Variants in TBC1D8B observed in about 807,000 individuals in gnomAD.
TBC1D8B encodes the protein RP11-321G1.1.
Under a neutral mutation model 82.9 loss-of-function variants are expected in TBC1D8B, and 75 were observed. That is an observed-to-expected ratio of 0.90 (90% CI 0.75 to 1.10). The LOEUF is 1.10. TBC1D8B is among the 50% of genes least tolerant of loss of function. The pLI, the probability that TBC1D8B is intolerant of heterozygous loss-of-function variation, is 0.00. For synonymous variants in TBC1D8B, 276 were observed against 276.8 expected (o/e 1.00, Z 0.03); for missense variants, 794 against 796.9 (o/e 1.00, Z 0.04).
In TBC1D8B at chrX:106,802,673, G is replaced by A; in HGVS notation, c.-181G>A. 1 of 567,353 alleles carries A rather than the reference G, an allele frequency of 1.8e-6. No individual in the cohort carries two copies. 46.8% of individuals were successfully genotyped at this position (567,353 alleles called of 1,213,427 possible). A position where few individuals can be genotyped will look rare whatever the true frequency, so the allele number is the denominator to read the frequency against. Reference sequence around the variant, plus strand: ...GGCGGTAGCGCTGTGGGAGGGAATTGGCAATCTCTCTGCCTACGTGGGAGA... The same window carrying A: ...GGCGGTAGCGCTGTGGGAGGGAATTAGCAATCTCTCTGCCTACGTGGGAGA... On this transcript the variant is annotated 5_prime_UTR_variant, in exon 1 of 21. Coordinates refer to ENST00000357242, the MANE Select transcript of TBC1D8B (RefSeq NM_017752.3).
chrX:106,809,785 G>A (rs1931307018), intron 1 of TBC1D8B, among the ~76,000 whole-genome samples: 1 of 107,896 alleles, frequency 9.3e-6, no homozygotes, highest in South Asian at 4.2e-4. Context: ...TTGGGAGGCT[G>A]AGGCAGGAGA....
intron 1 of TBC1D8B, among the ~76,000 whole-genome samples, chrX:106,816,330 C>A (rs1262235792): frequency 9.0e-6 from 1 of 111,491 alleles, no homozygotes; most frequent in African/African-American, 3.3e-5. Flanking sequence ...GAATAAAATG[C>A]TCAGTAATTT....
chrX:106,839,123 A>C (rs984348215), intron 7 of TBC1D8B, among the ~76,000 whole-genome samples, 185 bp from the exon 8 acceptor site: 4 of 111,664 alleles, frequency 3.6e-5, no homozygotes, highest in African/African-American at 1.3e-4. Flanking sequence ...AGGGGTTCTG[A>C]GCTTGCCATT....
chrX:106,825,919 T>C (rs1602413353), intron 5 of TBC1D8B, 111 bp from the exon 6 acceptor site: 8 of 558,753 alleles, frequency 1.4e-5, no homozygotes, highest in Non-Finnish European at 2.2e-5. Context: ...ATTTTTAGTG[T>C]TTAATCTGTG....
chrX:106,818,878 A>G (rs1931619200), intron 2 of TBC1D8B, 105 bp downstream of exon 2: 2 of 573,636 alleles, frequency 3.5e-6, no homozygotes, highest in Admixed American at 7.5e-5. Context: ...TTAAAAACAA[A>G]TTAAATGTGC....
chrX:106,839,437 G>T lies in TBC1D8B; in HGVS notation c.1333G>T (p.Glu445Ter). Residue 445 changes from glutamate (E) to a stop codon, truncating the protein, a stop_gained, in exon 8 of 21, where the codon GAG becomes TAG. Transcript: ENST00000357242. LOFTEE classifies it high-confidence loss of function. ...LMTVFHPQNL[E>*]TLNSKMLKEK... ...GACAGTATTTCACCCTCAGAATTTG[G>T]AGACTCTTAATTCTAAAATGGTAGG... 1 of 1,157,477 alleles carries T rather than the reference G, an allele frequency of 8.6e-7. No homozygotes were observed.
intron 16 of TBC1D8B, among the ~76,000 whole-genome samples, 161 bp downstream of exon 16, chrX:106,866,194 T>A (rs1395441279): frequency 9.0e-6 from 1 of 111,647 alleles, no homozygotes; most frequent in Non-Finnish European, 1.9e-5. Context: ...ATCTAAGTAT[T>A]TTGATATTAT....
At chrX:106,873,468 C>A in intron 20 of TBC1D8B, 102 bp from the exon 21 acceptor site, 1 of 849,035 alleles carries the variant, frequency 1.2e-6, no homozygotes, top group Non-Finnish European at 1.6e-6. Context: ...GGTGAAGCTT[C>A]TATGGTACAA....
intron 1 of TBC1D8B, among the ~76,000 whole-genome samples, chrX:106,808,850 A>T (rs1250178739): frequency 6.3e-5 from 7 of 111,889 alleles, no homozygotes; most frequent in Non-Finnish European, 1.9e-5. Context: ...TTATGGCTAT[A>T]AGGTAAGCTA....
chrX:106,845,400 T>A (rs1488273141), intron 10 of TBC1D8B, among the ~76,000 whole-genome samples: 1 of 106,533 alleles, frequency 9.4e-6, no homozygotes, highest in Non-Finnish European at 1.9e-5. Context: ...CTGCACCCAT[T>A]AACTCATCAT....
At chrX:106,863,155 G>A (rs991183344) in intron 14 of TBC1D8B, among the ~76,000 whole-genome samples, 1 of 112,200 alleles carries the variant, frequency 8.9e-6, no homozygotes, top group Non-Finnish European at 1.9e-5. Flanking sequence ...CTGGGTGCTC[G>A]TAGGAGCCTT....
chrX:106,852,945 T>A (rs1932621460), intron 12 of TBC1D8B, among the ~76,000 whole-genome samples: 1 of 110,430 alleles, frequency 9.1e-6, no homozygotes, highest in Admixed American at 9.6e-5. Context: ...AAGTAGTTTT[T>A]TCCAATTCTG....
Position 106,802,698 on chromosome X carries a change from A to G in TBC1D8B, c.-156A>G, listed in dbSNP as rs1023881965. On this transcript the variant is annotated 5_prime_UTR_variant, in exon 1 of 21. Transcript: ENST00000357242. Reference sequence around the variant, plus strand: ...GGCAATCTCTCTGCCTACGTGGGAGAGAAGGGAGGGTTGGGGGAAGTGTGG... The same window carrying G: ...GGCAATCTCTCTGCCTACGTGGGAGGGAAGGGAGGGTTGGGGGAAGTGTGG... 1.2e-5 allele frequency: 9 copies of G among 731,753 alleles called. No individual in the cohort carries two copies. In the East Asian group the frequency reaches 1.4e-4, roughly 11 times the overall value. 60.3% of individuals were successfully genotyped at this position (731,753 alleles called of 1,213,427 possible).
At chrX:106,862,744 G>A (rs1932784288) in intron 14 of TBC1D8B, among the ~76,000 whole-genome samples, 1 of 85,823 alleles carries the variant, frequency 1.2e-5, no homozygotes, top group African/African-American at 4.4e-5. Context: ...TTTAATCTCT[G>A]AAGTTGTTTT....
At chrX:106,850,000 T>G (rs759922089) in intron 11 of TBC1D8B, 25 bp from the exon 12 acceptor site, 1 of 1,151,704 alleles carries the variant, frequency 8.7e-7, no homozygotes, top group South Asian at 2.2e-5. Context: ...ATGTTTATTT[T>G]TAAACTTCTT....
At chrX:106,818,813 G>T (rs41307401) in intron 2 of TBC1D8B, 40 bp downstream of exon 2, 9 of 1,034,080 alleles carry the variant, frequency 8.7e-6, no homozygotes, top group Middle Eastern at 2.6e-4. Flanking sequence ...ATTAAATAAG[G>T]GTACTACAAA....
At chrX:106,836,796 C>T (rs965956832) in intron 7 of TBC1D8B, among the ~76,000 whole-genome samples, 7 of 111,529 alleles carry the variant, frequency 6.3e-5, no homozygotes, top group Non-Finnish European at 5.7e-5. Flanking sequence ...ACTTATTATA[C>T]AGCTATAGTA....
chrX:106,870,731 ATAT>A lies in TBC1D8B; in HGVS notation c.2887_2889del (p.Ile963del), dbSNP rs767599656. The stretch of plus-strand genomic sequence containing the variant: ...CTTTCTTCAGGCAAAGGGAAAATTG[ATAT>A]TCAAGCATATCTAAGTCAATGGCAA... On this transcript the variant is annotated inframe_deletion, in exon 20 of 21. Coordinates refer to ENST00000357242, the MANE Select transcript of TBC1D8B (RefSeq NM_017752.3). 22 of 1,200,216 alleles carry A rather than the reference ATAT, an allele frequency of 1.8e-5. No homozygotes were observed. The highest frequency in any genetic ancestry group is 2.5e-5 in the Non-Finnish European group (22 of 888,524).
intron 14 of TBC1D8B, among the ~76,000 whole-genome samples, chrX:106,864,646 G>A (rs1029551040): frequency 9.3e-6 from 1 of 107,631 alleles, no homozygotes; most frequent in Admixed American, 1.0e-4. Flanking sequence ...AGTCTCCTGA[G>A]TAGCTGCGAT....
Sources: allele counts gnomAD v4.1 joint callset (sites outside exome capture counted in the v4.1 genomes callset), GRCh38; gene constraint gnomAD v4.1.1; transcripts MANE v1.5; gene names NCBI Gene and HGNC (gene_info 2026-07-23, HGNC 2026-07-21).